Variants in PLD1 observed in about 807,000 individuals in gnomAD.
The protein encoded by PLD1 is choline phosphatase 1.
In PLD1, 112 loss-of-function variants were observed where a neutral mutation model predicts 137.1. The ratio of observed to expected loss-of-function variants is 0.82; its 90% CI spans 0.70 to 0.96. The LOEUF (loss-of-function observed/expected upper bound fraction) is 0.96. Among genes scored for constraint, PLD1 ranks in the 40% least tolerant of loss-of-function variants. The pLI is 0.00. For missense variants in PLD1, 1,321 were observed against 1,342.0 expected (o/e 0.98, Z 0.24); for synonymous variants, 431 against 454.7 (o/e 0.95, Z 0.66).
chr3:171,718,458 C>T (rs115891539), intron 8 of PLD1, among the ~76,000 whole-genome samples: 2,897 of 152,292 alleles, frequency 0.019, 38 homozygotes, highest in Non-Finnish European at 0.031. Flanking sequence ...AACTACTACC[C>T]GACTCATTCT....
intron 1 of PLD1, among the ~76,000 whole-genome samples, chr3:171,747,763 T>A (rs1042624926): frequency 1.3e-5 from 2 of 152,182 alleles, no homozygotes; most frequent in Non-Finnish European, 2.9e-5. Flanking sequence ...AACAGACCTA[T>A]GAAGTAACTG....
chr3:171,667,614 C>T (rs576333011), intron 19 of PLD1, among the ~76,000 whole-genome samples: 1 of 152,154 alleles, frequency 6.6e-6, no homozygotes, highest in South Asian at 2.1e-4. Context: ...AAGGTGATAC[C>T]CAAAGGCAAA....
chr3:171,766,005 T>C (rs777297895), intron 1 of PLD1, among the ~76,000 whole-genome samples: 2 of 152,230 alleles, frequency 1.3e-5, no homozygotes, highest in African/African-American at 4.8e-5. Context: ...AAAAGGTGTT[T>C]CCTAACATGA....
rs142079066 is a variant in PLD1, at chr3:171,739,800, G to T, written c.-31-1718C>A. On this transcript the variant is annotated intron_variant, in intron 1 of 26. Transcript: ENST00000351298. Reference sequence around the variant, plus strand: ...TGTCAAGGTCACACAGCTGGTAAGTGGTGAAGAAGGGACTGGAATTCAGGT... The same window carrying T: ...TGTCAAGGTCACACAGCTGGTAAGTTGTGAAGAAGGGACTGGAATTCAGGT... 8.1e-4 allele frequency among the ~76,000 whole-genome samples: 123 copies of T among 152,258 alleles called. 1 individual carries two copies. The highest frequency in any genetic ancestry group is 2.9e-3 in the African/African-American group (122 of 41,548).
At chr3:171,725,121 T>C (rs1718410472) in intron 7 of PLD1, among the ~76,000 whole-genome samples, 1 of 152,208 alleles carries the variant, frequency 6.6e-6, no homozygotes, top group South Asian at 2.1e-4. Flanking sequence ...CACACCAACA[T>C]GGCACATGTA....
intron 9 of PLD1, among the ~76,000 whole-genome samples, chr3:171,712,978 T>C (rs548305024): frequency 6.6e-6 from 1 of 152,282 alleles, no homozygotes; most frequent in African/African-American, 2.4e-5. Context: ...GCTATGTTGG[T>C]AACTATGTGC....
intron 23 of PLD1, among the ~76,000 whole-genome samples, chr3:171,634,728 A>G (rs1251029790): frequency 6.6e-6 from 1 of 152,186 alleles, no homozygotes; most frequent in Admixed American, 6.5e-5. Flanking sequence ...CAATATTTTA[A>G]ATTTGTATTT....
chr3:171,774,851 G>A (rs533500540), intron 1 of PLD1, among the ~76,000 whole-genome samples: 1 of 152,304 alleles, frequency 6.6e-6, no homozygotes, highest in Non-Finnish European at 1.5e-5. Context: ...GGAGTTCACT[G>A]AGGGAGGCTG....
At chr3:171,712,770 A>C (rs969458882) in intron 9 of PLD1, among the ~76,000 whole-genome samples, 9 of 152,240 alleles carry the variant, frequency 5.9e-5, no homozygotes, top group African/African-American at 2.2e-4. Flanking sequence ...GTAAGGGACC[A>C]GTGAGAACTG....
intron 7 of PLD1, among the ~76,000 whole-genome samples, chr3:171,725,111 C>A (rs1203349135): frequency 6.6e-6 from 1 of 152,178 alleles, no homozygotes; most frequent in African/African-American, 2.4e-5. Context: ...ATGGGTGCAG[C>A]ACACCAACAT....
At chr3:171,617,301 C>T (rs1733196320) in intron 24 of PLD1, among the ~76,000 whole-genome samples, 1 of 152,212 alleles carries the variant, frequency 6.6e-6, no homozygotes, top group Non-Finnish European at 1.5e-5. Flanking sequence ...ACAGTGAAGC[C>T]TGCTCTTTAA....
intron 25 of PLD1, among the ~76,000 whole-genome samples, chr3:171,609,507 AACACACACACACACACACACACAC>A (rs371080467): frequency 5.1e-5 from 7 of 136,864 alleles, no homozygotes; most frequent in African/African-American, 1.1e-4. Context: ...ACATAAAGAA[AACACACACACACACACACACACAC>A]ACACACACAC....
At chr3:171,655,237 T>C (rs1054968079) in intron 21 of PLD1, among the ~76,000 whole-genome samples, 1 of 152,118 alleles carries the variant, frequency 6.6e-6, no homozygotes, top group African/African-American at 2.4e-5. Flanking sequence ...CTCAGAAAAG[T>C]AGAGACCAGA....
chr3:171,718,971 C>T (rs981828854), intron 8 of PLD1, among the ~76,000 whole-genome samples: 5 of 152,162 alleles, frequency 3.3e-5, no homozygotes, highest in Admixed American at 2.6e-4. Context: ...TGTGTTACTA[C>T]TTGCCATGGC....
chr3:171,627,621 C>A (rs891315260), intron 23 of PLD1, among the ~76,000 whole-genome samples: 3 of 152,120 alleles, frequency 2.0e-5, no homozygotes, highest in African/African-American at 7.2e-5. Context: ...TAAAGCTCTC[C>A]TCAGCAAATG....
At chr3:171,604,317 TA>T (rs113679565) in intron 26 of PLD1, among the ~76,000 whole-genome samples, 1,586 of 118,438 alleles carry the variant, frequency 0.013, 13 homozygotes, top group African/African-American at 0.025. Flanking sequence ...CCATGTCAAT[TA>T]AAAAAAAAAA....
intron 1 of PLD1, among the ~76,000 whole-genome samples, chr3:171,787,246 G>C (rs1723044240): frequency 6.6e-6 from 1 of 152,042 alleles, no homozygotes; most frequent in Non-Finnish European, 1.5e-5. Flanking sequence ...AGCTGACCAG[G>C]GTTTTACCGA....
At chr3:171,677,115 G>T (rs1312325057) in intron 17 of PLD1, among the ~76,000 whole-genome samples, 4 of 152,214 alleles carry the variant, frequency 2.6e-5, no homozygotes, top group Admixed American at 6.5e-5. Flanking sequence ...CTAAGGCTGT[G>T]TATTTGATAT....
intron 1 of PLD1, among the ~76,000 whole-genome samples, chr3:171,755,898 A>G (rs964604797): frequency 6.6e-6 from 1 of 152,202 alleles, no homozygotes; most frequent in African/African-American, 2.4e-5. Context: ...AGAATTCATC[A>G]TCTTCTAACC....
Sources: allele counts gnomAD v4.1 joint callset (sites outside exome capture counted in the v4.1 genomes callset), GRCh38; gene constraint gnomAD v4.1.1; transcripts MANE v1.5; gene names NCBI Gene and HGNC (gene_info 2026-07-23, HGNC 2026-07-21).